The following ARFGEF1 variants were observed in gnomAD, a reference collection of about 807,000 sequenced individuals.
ARFGEF1 encodes the protein ARF guanine nucleotide exchange factor 1, also known as brefeldin A-inhibited guanine nucleotide-exchange protein 1.
In ARFGEF1, 42 loss-of-function variants were observed where a neutral mutation model predicts 231.0. The ratio of observed to expected loss-of-function variants is 0.18; its 90% CI spans 0.14 to 0.24. The LOEUF is 0.24. Among genes scored for constraint, ARFGEF1 ranks in the 10% least tolerant of loss-of-function variants. The pLI, the probability that ARFGEF1 is intolerant of heterozygous loss-of-function variation, is 1.00. For synonymous variants in ARFGEF1, 710 were observed against 732.3 expected, an observed-to-expected ratio of 0.97 and a Z score of 0.49; for missense variants, 1,345 against 2,192.0, an observed-to-expected ratio of 0.61 and a Z score of 7.72.
chr8:67,340,264 G>A (rs987256902), intron 1 of ARFGEF1, among the ~76,000 whole-genome samples: 4 of 152,180 alleles, frequency 2.6e-5, no homozygotes, highest in Non-Finnish European at 5.9e-5. Flanking sequence ...AATATTTGGG[G>A]AAAGAATGAA....
At chr8:67,242,809 G>A (rs1223791162) in intron 19 of ARFGEF1, among the ~76,000 whole-genome samples, 6 of 152,266 alleles carry the variant, frequency 3.9e-5, no homozygotes, top group South Asian at 2.1e-4. Flanking sequence ...GGTGAGTCCC[G>A]GCCTGGCAGC....
At chr8:67,310,227 C>T (rs1278447695) in intron 1 of ARFGEF1, among the ~76,000 whole-genome samples, 1 of 152,024 alleles carries the variant, frequency 6.6e-6, no homozygotes, top group Non-Finnish European at 1.5e-5. Context: ...CCTGCCTCAG[C>T]CTGCCGAGTG....
rs1807271197 is a variant in ARFGEF1, at chr8:67,315,527, C to T, written c.125-13061G>A. 2.6e-5 allele frequency among the ~76,000 whole-genome samples: 4 copies of T among 152,206 alleles called. No homozygotes were observed. The South Asian group carries it at 8.3e-4, about 32-fold the overall frequency. ...ACAAATCTCAACAAAGTTAGAAGAA[C>T]TGAGATCATACAGAGTGTGTTCTTT... is the stretch of plus-strand genomic sequence containing the variant. On this transcript the variant is annotated intron_variant, in intron 1 of 38. Transcript: ENST00000262215.
intron 33 of ARFGEF1, among the ~76,000 whole-genome samples, chr8:67,212,220 T>C (rs1386236652): frequency 6.6e-6 from 1 of 152,076 alleles, no homozygotes; most frequent in Non-Finnish European, 1.5e-5. Context: ...GCAGCTGGGA[T>C]TATAGGCATG....
intron 29 of ARFGEF1, among the ~76,000 whole-genome samples, chr8:67,222,220 T>TATATATATATATACACAC (rs1554636849): frequency 8.3e-6 from 1 of 120,820 alleles, no homozygotes; most frequent in African/African-American, 3.3e-5. Flanking sequence ...CACATATATA[T>TATATATATATATACACAC]ATATGTATAT....
intron 1 of ARFGEF1, among the ~76,000 whole-genome samples, chr8:67,342,384 T>C (rs368757449): frequency 1.3e-5 from 2 of 152,324 alleles, no homozygotes; most frequent in African/African-American, 4.8e-5. Flanking sequence ...CAATTCAAGC[T>C]TGAGAGCAGC....
At chr8:67,180,229 T>C (rs1353937008) in intron 5 of ARFGEF1, among the ~76,000 whole-genome samples, 1 of 152,172 alleles carries the variant, frequency 6.6e-6, no homozygotes, top group East Asian at 1.9e-4. Flanking sequence ...TTAAAAAAAC[T>C]CTGGTACATC....
intron 3 of ARFGEF1, among the ~76,000 whole-genome samples, chr8:67,300,660 C>CAAAAAAAAA (rs200434355): frequency 1.1e-5 from 1 of 88,656 alleles, no homozygotes; most frequent in African/African-American, 3.9e-5. Flanking sequence ...CTTGTCTCTT[C>CAAAAAAAAA]AAAAAAAAAA....
rs200420943 is a variant in ARFGEF1, at chr8:67,271,682, T to C, written c.1572+20A>G. ...AATGAAATATCCAATAGTAACATTA[T>C]GCCTAAATGCAAAACGTACCTCAAT... is the stretch of plus-strand genomic sequence containing the variant. On this transcript the variant is annotated intron_variant, in intron 10 of 38. Transcript: ENST00000262215. 2.0e-5 allele frequency: 30 copies of C among 1,513,592 alleles called. No individual in the cohort carries two copies. Among genetic ancestry groups the C allele is most frequent in the Non-Finnish European group, 2.5e-5 (27 of 1,095,034 alleles). 93.8% of individuals were successfully genotyped at this position (1,513,592 alleles called of 1,614,324 possible).
At chr8:67,223,495 T>C (rs1839271124) in intron 29 of ARFGEF1, among the ~76,000 whole-genome samples, 1 of 152,174 alleles carries the variant, frequency 6.6e-6, no homozygotes, top group Admixed American at 6.5e-5. Context: ...GCCCACATTT[T>C]AAGATGGAAG....
In ARFGEF1 at chr8:67,302,906, TAAAAAAAAAAAA is replaced by T. The variant is rs139020447; in HGVS notation, c.125-452_125-441del. Among the ~76,000 whole-genome samples the T allele has an allele frequency of 2.7e-4, 28 of 102,026 alleles. 1 individual carries two copies. The highest frequency in any genetic ancestry group is 5.8e-3 in the Middle Eastern group (1 of 172). 66.9% of individuals were successfully genotyped at this position (102,026 alleles called of 152,430 possible). On this transcript the variant is annotated intron_variant, in intron 1 of 38. Coordinates refer to ENST00000262215, the MANE Select transcript of ARFGEF1 (RefSeq NM_006421.5). ...CCTGGGCAACAAAGACCCCATCTCT[TAAAAAAAAAAAA>T]AAAAAAAAAAAAAAATTTAAATCAG...
In ARFGEF1 at chr8:67,234,031, G is replaced by A. The variant is rs12542657; in HGVS notation, c.3290-1086C>T. On this transcript the variant is annotated intron_variant, in intron 22 of 38. Coordinates refer to ENST00000262215, the MANE Select transcript of ARFGEF1 (RefSeq NM_006421.5). ...ACCAGATAAAGTTTCCTAAGGTTAG[G>A]AATCAAGTAATATTCATTTTTGTAC... 1.1e-4 allele frequency among the ~76,000 whole-genome samples: 17 copies of A among 152,176 alleles called. No homozygotes were observed. The East Asian group carries it at 2.9e-3, about 26-fold the overall frequency.
rs534788738 is a variant in ARFGEF1, at chr8:67,295,352, G to A, written c.639+1079C>T. On this transcript the variant is annotated intron_variant, in intron 5 of 38. Coordinates refer to ENST00000262215, the MANE Select transcript of ARFGEF1 (RefSeq NM_006421.5). ...AAAAACTACTAACTTCATAGTGGAG[G>A]AACCTGACAGATAACTACCTTAACC... Among the ~76,000 whole-genome samples, 8 of 152,138 alleles carry A rather than the reference G, an allele frequency of 5.3e-5. No homozygotes were observed. In the East Asian group the frequency reaches 1.5e-3, roughly 29 times the overall value.
intron 1 of ARFGEF1, among the ~76,000 whole-genome samples, chr8:67,304,795 G>A (rs994712919): frequency 1.3e-5 from 2 of 152,248 alleles, no homozygotes; most frequent in African/African-American, 4.8e-5. Flanking sequence ...CTCCAGCCTG[G>A]GTGACAGAAT....
chr8:67,299,276 A>G lies in ARFGEF1; in HGVS notation c.392T>C (p.Ile131Thr). ...CTGAAAGCAGCCACATATTGTTTCA[A>G]TAATTCTATCAATTAATTTTTTGCC... ...TPGKKLIDRI[I>T]ETICGCFQGP... Residue 131 changes from isoleucine (I) to threonine (T), a missense_variant, in exon 4 of 39, where the codon ATT (isoleucine) becomes ACT (threonine). Transcript: ENST00000262215. The G allele has an allele frequency of 1.2e-6, 2 of 1,607,538 alleles. No homozygotes were observed. The highest frequency in any genetic ancestry group is 1.7e-6 in the Non-Finnish European group (2 of 1,176,144).
rs144713715 is a variant in ARFGEF1 at position 67,325,912 on chromosome 8, G to A, written c.124+17252C>T. Among the ~76,000 whole-genome samples the A allele has an allele frequency of 2.2e-3, 328 of 152,316 alleles. 9 individuals are homozygous for A. In the East Asian group the frequency reaches 0.057, roughly 26 times the overall value. On this transcript the variant is annotated intron_variant, in intron 1 of 38. Coordinates refer to ENST00000262215, the MANE Select transcript of ARFGEF1 (RefSeq NM_006421.5). Reference sequence around the variant, plus strand: ...AAATATGAGAAAAAGGCTGGGCGCAGTGGCTCATGCCTGTAATCCCACCAC... The same window carrying A: ...AAATATGAGAAAAAGGCTGGGCGCAATGGCTCATGCCTGTAATCCCACCAC...
At chr8:67,195,390 A>G, downstream of ARFGEF1, 18 of 1,613,316 alleles carry the variant, frequency 1.1e-5, no homozygotes, top group Middle Eastern at 3.3e-4. Flanking sequence ...AGATGATGAG[A>G]GTTCACTGGT....
chr8:67,244,437 T>C (rs1456108256), intron 19 of ARFGEF1, among the ~76,000 whole-genome samples: 3 of 147,028 alleles, frequency 2.0e-5, no homozygotes, highest in African/African-American at 7.8e-5. Context: ...GCTTTCCTAG[T>C]AGCTGGAACC....
intron 29 of ARFGEF1, among the ~76,000 whole-genome samples, chr8:67,221,987 G>T (rs1440248688): frequency 6.9e-6 from 1 of 145,462 alleles, no homozygotes; most frequent in African/African-American, 2.5e-5. Flanking sequence ...CTAATTTTTG[G>T]TATTTTTAGT....
Sources: gnomAD v4.1 joint callset for allele counts (sites outside exome capture counted in the v4.1 genomes callset) on GRCh38, gnomAD v4.1.1 for gene constraint, MANE v1.5 for transcripts, NCBI Gene and HGNC (gene_info 2026-07-23, HGNC 2026-07-21) for gene names.